Variants in PRIMA1 observed in about 807,000 individuals in gnomAD.
PRIMA1 encodes proline rich membrane anchor 1, also known as proline-rich membrane anchor 1.
A neutral mutation model predicts 17.5 loss-of-function variants in PRIMA1; 7 were observed. The ratio of observed to expected loss-of-function variants is 0.40; its 90% CI spans 0.23 to 0.75. The LOEUF is 0.75. PRIMA1 is among the 30% of genes least tolerant of loss of function. PRIMA1 has a pLI of 0.37. For synonymous variants in PRIMA1, 97 were observed against 77.9 expected, an observed-to-expected ratio of 1.25 and a Z score of -1.29; for missense variants, 200 against 201.8, an observed-to-expected ratio of 0.99 and a Z score of 0.05.
At chr14:93,733,197 T>G (rs114247915) in intron 4 of PRIMA1, among the ~76,000 whole-genome samples, 3,332 of 152,286 alleles carry the variant, frequency 0.022, 130 homozygotes, top group African/African-American at 0.074. Context: ...TCCCCTGGCC[T>G]GGCTAATGTA....
chr14:93,788,981 G>C (rs1355414698), upstream of PRIMA1, among the ~76,000 whole-genome samples: 1 of 152,106 alleles, frequency 6.6e-6, no homozygotes, highest in Admixed American at 6.5e-5. Context: ...CCGGCAGGGA[G>C]CTCCCGCTGG....
chr14:93,725,532 A>C (rs1310862565), intron 4 of PRIMA1, among the ~76,000 whole-genome samples: 1 of 152,134 alleles, frequency 6.6e-6, no homozygotes, highest in Non-Finnish European at 1.5e-5. Flanking sequence ...GGCAGATGTC[A>C]AGGCTCAGTA....
At chr14:93,760,792 T>A (rs1213920205) in intron 3 of PRIMA1, among the ~76,000 whole-genome samples, 6 of 152,140 alleles carry the variant, frequency 3.9e-5, no homozygotes, top group Admixed American at 3.9e-4. Flanking sequence ...CTTGTTGGCC[T>A]CACTTTCTCA....
At chr14:93,753,637 A>G (rs939123855) in intron 3 of PRIMA1, among the ~76,000 whole-genome samples, 5 of 152,110 alleles carry the variant, frequency 3.3e-5, no homozygotes, top group African/African-American at 1.2e-4. Context: ...AGCTAGCAGA[A>G]CCTCGCCATC....
intron 3 of PRIMA1, among the ~76,000 whole-genome samples, chr14:93,771,682 C>T (rs1885074486): frequency 6.6e-6 from 1 of 152,148 alleles, no homozygotes; most frequent in Non-Finnish European, 1.5e-5. Flanking sequence ...AGAACAGGGA[C>T]TGGTGTGACA....
intron 4 of PRIMA1, 142 bp from the exon 5 acceptor site, chr14:93,721,688 C>T (rs1331486941): frequency 1.6e-5 from 10 of 631,554 alleles, no homozygotes; most frequent in South Asian, 5.5e-5. Flanking sequence ...GCTCTGTCCT[C>T]GGTTAGCATC....
chr14:93,740,704 C>G (rs1439709887), intron 3 of PRIMA1, among the ~76,000 whole-genome samples: 1 of 152,214 alleles, frequency 6.6e-6, no homozygotes, highest in African/African-American at 2.4e-5. Flanking sequence ...CTCCAGTAAG[C>G]ACTTGGAAAT....
At chr14:93,748,584 C>T (rs1290934465) in intron 3 of PRIMA1, among the ~76,000 whole-genome samples, 1 of 152,002 alleles carries the variant, frequency 6.6e-6, no homozygotes, top group Non-Finnish European at 1.5e-5. Context: ...AGCCTCTCTG[C>T]CCCCCTGGCT....
At chr14:93,737,499 C>A (rs2076157732) in intron 3 of PRIMA1, 129 bp from the exon 4 acceptor site, 1 of 1,098,370 alleles carries the variant, frequency 9.1e-7, no homozygotes, top group Admixed American at 2.4e-5. Flanking sequence ...TCATGGGTGA[C>A]ACCAACAGAG....
intron 3 of PRIMA1, among the ~76,000 whole-genome samples, chr14:93,772,943 T>C (rs1487609548): frequency 6.6e-6 from 1 of 152,178 alleles, no homozygotes; most frequent in East Asian, 1.9e-4. Flanking sequence ...ATTTATTGCG[T>C]GTTAACTGGG....
chr14:93,768,809 CTTT>C (rs34349782), intron 3 of PRIMA1, among the ~76,000 whole-genome samples: 2 of 138,852 alleles, frequency 1.4e-5, no homozygotes, highest in Non-Finnish European at 1.5e-5. Context: ...CACTTTTTTT[CTTT>C]TTTTTTTTTT....
At chr14:93,768,666 T>C (rs986822076) in intron 3 of PRIMA1, among the ~76,000 whole-genome samples, 3 of 152,188 alleles carry the variant, frequency 2.0e-5, no homozygotes, top group African/African-American at 4.8e-5. Flanking sequence ...TAAAGGTTTG[T>C]TGAGTAAATT....
intron 2 of PRIMA1, among the ~76,000 whole-genome samples, chr14:93,781,811 C>CA (rs111779864): frequency 0.01 from 1,518 of 146,118 alleles, 17 homozygotes; most frequent in African/African-American, 0.035. Context: ...CCTGTCTCTA[C>CA]AAAAAAAAAA....
intron 3 of PRIMA1, among the ~76,000 whole-genome samples, chr14:93,758,446 A>G (rs1157805541): frequency 6.6e-6 from 1 of 151,900 alleles, no homozygotes; most frequent in African/African-American, 2.4e-5. Flanking sequence ...ATTATTTTTA[A>G]TTTTTGTATT....
chr14:93,735,272 C>A (rs1433176029), intron 4 of PRIMA1, among the ~76,000 whole-genome samples: 1 of 152,212 alleles, frequency 6.6e-6, no homozygotes, highest in Non-Finnish European at 1.5e-5. Flanking sequence ...TGTCTAGTCA[C>A]GGGCAAAGTC....
intron 3 of PRIMA1, among the ~76,000 whole-genome samples, chr14:93,747,931 TTA>T (rs1196351617): frequency 5.8e-5 from 4 of 68,560 alleles, no homozygotes; most frequent in African/African-American, 1.6e-4. Flanking sequence ...TGGAGTGTGA[TTA>T]TGTGAGTGTG....
chr14:93,777,925 G>C lies in PRIMA1; in HGVS notation c.229+1251C>G, dbSNP rs112170118. ...ACAAACCGCTGGGAGACTACGTGCCGTGGGGCCCAAAATGTGGGAGAGTGA... is the reference window on the plus strand; with the variant it reads ...ACAAACCGCTGGGAGACTACGTGCCCTGGGGCCCAAAATGTGGGAGAGTGA... On this transcript the variant is annotated intron_variant, in intron 3 of 4. Transcript: ENST00000393140. Among the ~76,000 whole-genome samples, 150 of 152,296 alleles carry C rather than the reference G, an allele frequency of 9.8e-4. No individual in the cohort carries two copies. The Middle Eastern group carries it at 0.051, about 52-fold the overall frequency.
intron 3 of PRIMA1, among the ~76,000 whole-genome samples, chr14:93,767,427 A>C (rs1391071893): frequency 6.6e-6 from 1 of 152,144 alleles, no homozygotes; most frequent in Admixed American, 6.5e-5. Flanking sequence ...AGGGATGGGA[A>C]GTTAGAGAAT....
At chr14:93,782,134 G>A (rs574384032) in intron 2 of PRIMA1, among the ~76,000 whole-genome samples, 99 of 152,250 alleles carry the variant, frequency 6.5e-4, no homozygotes, top group Non-Finnish European at 1.1e-3. Context: ...CGGGCGTGGC[G>A]GTGGGCACCT....
Sources: gnomAD v4.1 joint callset for allele counts (sites outside exome capture counted in the v4.1 genomes callset) on GRCh38, gnomAD v4.1.1 for gene constraint, MANE v1.5 for transcripts, NCBI Gene and HGNC (gene_info 2026-07-23, HGNC 2026-07-21) for gene names.